The following LINGO2 variants were observed in gnomAD, a reference collection of about 807,000 sequenced individuals.
The protein encoded by LINGO2 is leucine-rich repeat and immunoglobulin-like domain-containing nogo receptor-interacting protein 2.
Under a neutral mutation model 30.6 loss-of-function variants are expected in LINGO2, and 14 were observed. The ratio of observed to expected loss-of-function variants is 0.46; its 90% CI spans 0.30 to 0.72. The LOEUF (loss-of-function observed/expected upper bound fraction) is 0.72. Among genes scored for constraint, LINGO2 ranks in the 30% least tolerant of loss-of-function variants. The probability of loss-of-function intolerance (pLI) is 0.07; values close to 1 mark genes in which losing one functional copy is unlikely to be tolerated. For synonymous variants in LINGO2, 317 were observed against 288.5 expected, an observed-to-expected ratio of 1.10 and a Z score of -1.00; for missense variants, 729 against 751.7, an observed-to-expected ratio of 0.97 and a Z score of 0.35.
chr9:27,981,552 A>AAAAAAAAAAAAAAAAAAAAAAAAAG (rs1820868627), intron 5 of LINGO2, among the ~76,000 whole-genome samples: 1 of 103,296 alleles, frequency 9.7e-6, no homozygotes, highest in Non-Finnish European at 2.1e-5. Flanking sequence ...AAAAAAAAAG[A>AAAAAAAAAAAAAAAAAAAAAAAAAG]AAAAAAAGAA....
chr9:28,125,318 C>T (rs1206033247), intron 4 of LINGO2, among the ~76,000 whole-genome samples: 2 of 152,204 alleles, frequency 1.3e-5, no homozygotes, highest in Admixed American at 1.3e-4. Context: ...AATTAAAGAT[C>T]ACTGTTGATC....
chr9:29,037,080 C>CTT, the LINGO2 span, among the ~76,000 whole-genome samples: 1 of 151,386 alleles, frequency 6.6e-6, no homozygotes, highest in East Asian at 1.9e-4. Context: ...TCTGCTTACT[C>CTT]TTTTTTTTGT....
At chr9:28,951,111 T>G in the LINGO2 span, among the ~76,000 whole-genome samples, 1 of 152,070 alleles carries the variant, frequency 6.6e-6, no homozygotes, top group Non-Finnish European at 1.5e-5. Flanking sequence ...ACCTGATCTT[T>G]GACAAACCTG....
the LINGO2 span, among the ~76,000 whole-genome samples, chr9:29,151,395 T>TTATATCAA: frequency 6.6e-6 from 1 of 152,160 alleles, no homozygotes; most frequent in African/African-American, 2.4e-5. Context: ...TCAAAAGCTA[T>TTATATCAA]TATATCAATA....
chr9:28,880,001 A>T, the LINGO2 span, among the ~76,000 whole-genome samples: 1 of 152,230 alleles, frequency 6.6e-6, no homozygotes, highest in Non-Finnish European at 1.5e-5. Flanking sequence ...AACTTAAATT[A>T]TCTCTAAGTT....
At chr9:29,135,917 G>T in the LINGO2 span, among the ~76,000 whole-genome samples, 1 of 152,010 alleles carries the variant, frequency 6.6e-6, no homozygotes, top group Non-Finnish European at 1.5e-5. Context: ...GCATAATGTC[G>T]TCAAGGTTCA....
intron 5 of LINGO2, among the ~76,000 whole-genome samples, chr9:27,988,485 A>G (rs1325366456): frequency 6.6e-6 from 1 of 151,954 alleles, no homozygotes; most frequent in Non-Finnish European, 1.5e-5. Flanking sequence ...AAGTGTTCCT[A>G]TTTCTCCACA....
chr9:28,390,943 C>A (rs1821806461), intron 2 of LINGO2, among the ~76,000 whole-genome samples: 1 of 152,074 alleles, frequency 6.6e-6, no homozygotes, highest in Non-Finnish European at 1.5e-5. Context: ...GTCTGATATA[C>A]TTGACAAGTC....
chr9:28,380,641 G>A (rs1298783131), intron 2 of LINGO2, among the ~76,000 whole-genome samples: 1 of 151,984 alleles, frequency 6.6e-6, no homozygotes, highest in Non-Finnish European at 1.5e-5. Context: ...GTCATTCAAT[G>A]TCAAGCTTAA....
chr9:28,419,503 A>C (rs1431984214), intron 2 of LINGO2, among the ~76,000 whole-genome samples: 1 of 152,098 alleles, frequency 6.6e-6, no homozygotes, highest in Non-Finnish European at 1.5e-5. Flanking sequence ...GTCTGACTCC[A>C]TTAGTCCATC....
In LINGO2 at chr9:28,049,710, T is replaced by G. The variant is rs536278820; in HGVS notation, c.-86-37305A>C. Among the ~76,000 whole-genome samples, 21 of 150,756 alleles carry G rather than the reference T, an allele frequency of 1.4e-4. 2 individuals are homozygous for G. Among genetic ancestry groups the G allele is most frequent in the African/African-American group, 5.1e-4 (21 of 40,836 alleles). On this transcript the variant is annotated intron_variant, in intron 4 of 5. Transcript: ENST00000379992. The stretch of plus-strand genomic sequence containing the variant: ...GTAAAGGAGGCATTATAATGCCTGA[T>G]GCGGCAGGTCTAACAGGTCTATTTC...
the LINGO2 span, among the ~76,000 whole-genome samples, chr9:29,008,715 C>T: frequency 6.6e-3 from 1,003 of 152,142 alleles, 15 homozygotes; most frequent in African/African-American, 0.023. Context: ...GTTGGCTGCA[C>T]AAATGTCTTC....
chr9:28,158,830 C>A (rs1447319187), intron 4 of LINGO2, among the ~76,000 whole-genome samples: 1 of 152,180 alleles, frequency 6.6e-6, no homozygotes, highest in African/African-American at 2.4e-5. Flanking sequence ...GAAAAACTAT[C>A]CTTCACGAAG....
chr9:29,027,059 C>T, the LINGO2 span, among the ~76,000 whole-genome samples: 1 of 151,970 alleles, frequency 6.6e-6, no homozygotes, highest in Non-Finnish European at 1.5e-5. Flanking sequence ...CACATTTTAA[C>T]CAGTGTTATA....
intron 1 of LINGO2, among the ~76,000 whole-genome samples, chr9:28,516,776 T>C (rs1023862806): frequency 4.6e-5 from 7 of 152,202 alleles, no homozygotes; most frequent in African/African-American, 1.7e-4. Context: ...TTCTCTCAGG[T>C]TGAAATATCT....
intron 1 of LINGO2, among the ~76,000 whole-genome samples, chr9:28,498,451 C>T (rs1053315786): frequency 3.9e-5 from 6 of 152,336 alleles, no homozygotes; most frequent in Admixed American, 1.3e-4. Context: ...ATGGGTCCCT[C>T]TGAGCCAGGC....
the LINGO2 span, among the ~76,000 whole-genome samples, chr9:28,944,726 T>C: frequency 6.6e-6 from 1 of 151,878 alleles, no homozygotes; most frequent in Non-Finnish European, 1.5e-5. Context: ...TTAAAAGAGG[T>C]TATTGACCAG....
At chr9:28,322,062 A>T (rs1412976605) in intron 3 of LINGO2, among the ~76,000 whole-genome samples, 22 of 152,180 alleles carry the variant, frequency 1.4e-4, no homozygotes, top group Admixed American at 1.4e-3. Context: ...TCAGCTTACT[A>T]AGCTTCATCT....
chr9:28,226,790 G>A (rs1821185910), intron 4 of LINGO2, among the ~76,000 whole-genome samples: 1 of 152,066 alleles, frequency 6.6e-6, no homozygotes, highest in Non-Finnish European at 1.5e-5. Flanking sequence ...TTTGTCCAAA[G>A]GTCCTTCCAG....
Sources: allele counts gnomAD v4.1 joint callset (sites outside exome capture counted in the v4.1 genomes callset), GRCh38; gene constraint gnomAD v4.1.1; transcripts MANE v1.5; gene names NCBI Gene and HGNC (gene_info 2026-07-23, HGNC 2026-07-21).